SEC23IP: variants seen among roughly 807,000 people sequenced by gnomAD.
SEC23IP encodes the protein SEC23 interacting protein.
A neutral mutation model predicts 113.4 loss-of-function variants in SEC23IP; 70 were observed. The observed-to-expected ratio is 0.62, with a 90% CI of 0.51 to 0.75. The LOEUF (loss-of-function observed/expected upper bound fraction) is 0.75. Among genes scored for constraint, SEC23IP ranks in the 30% least tolerant of loss-of-function variants. The pLI is 0.00. For synonymous variants in SEC23IP, 398 were observed against 421.0 expected (o/e 0.95, Z 0.67); for missense variants, 1,160 against 1,204.9 (o/e 0.96, Z 0.55).
intron 13 of SEC23IP, among the ~76,000 whole-genome samples, chr10:119,926,458 T>C (rs1333070539): frequency 2.6e-5 from 4 of 152,226 alleles, no homozygotes; most frequent in African/African-American, 9.6e-5. Flanking sequence ...ATTTCAGTTT[T>C]CCCACCGCTC....
intron 2 of SEC23IP, among the ~76,000 whole-genome samples, chr10:119,900,972 A>G (rs548694705): frequency 7.1e-6 from 1 of 140,772 alleles, no homozygotes; most frequent in Admixed American, 7.1e-5. Flanking sequence ...CATACTTTAA[A>G]TGTTACTAAG....
chr10:119,919,072 C>T (rs1855150707), intron 10 of SEC23IP, among the ~76,000 whole-genome samples: 1 of 150,368 alleles, frequency 6.7e-6, no homozygotes, highest in Non-Finnish European at 1.5e-5. Context: ...CGGCTCACTG[C>T]AACCTCCGCC....
intron 2 of SEC23IP, among the ~76,000 whole-genome samples, chr10:119,900,919 A>G (rs1426401825): frequency 1.3e-5 from 2 of 151,840 alleles, no homozygotes; most frequent in Non-Finnish European, 2.9e-5. Context: ...TGGCAAACAT[A>G]TAATACCTAT....
intron 18 of SEC23IP, among the ~76,000 whole-genome samples, chr10:119,938,664 G>A (rs1022483428): frequency 5.9e-5 from 9 of 152,064 alleles, no homozygotes; most frequent in African/African-American, 1.9e-4. Flanking sequence ...AATGAAGTTC[G>A]AAATAATTTA....
In SEC23IP at chr10:119,894,892, CTGTGTGTGTGTG is replaced by C. The variant is rs3065498; in HGVS notation, c.163+1980_163+1991del. On this transcript the variant is annotated intron_variant, in intron 1 of 18. Coordinates refer to ENST00000369075, the MANE Select transcript of SEC23IP (RefSeq NM_007190.4). ...AATGCTTTTGTTTCTTGGAGACAGTCTGTGTGTGTGTGTGTGTGTGTGTGTGTGTGTGTGTGT... is the reference window on the plus strand; with the variant it reads ...AATGCTTTTGTTTCTTGGAGACAGTCTGTGTGTGTGTGTGTGTGTGTGTGT... 1.7e-3 allele frequency among the ~76,000 whole-genome samples: 247 copies of C among 143,550 alleles called. 1 individual carries two copies. The highest frequency in any genetic ancestry group is 4.8e-3 in the Admixed American group (69 of 14,326). 94.2% of individuals were successfully genotyped at this position (143,550 alleles called of 152,430 possible).
rs1856024327 is a variant in SEC23IP, at chr10:119,944,162, G to A, written c.*3597G>A. 1 of 152,114 alleles carries A rather than the reference G, an allele frequency of 6.6e-6. No individual in the cohort carries two copies. The highest frequency in any genetic ancestry group is 2.4e-5 in the African/African-American group (1 of 41,418). 9.4% of individuals were successfully genotyped at this position (152,114 alleles called of 1,614,324 possible). On this transcript the variant is annotated 3_prime_UTR_variant, in exon 19 of 19. Coordinates refer to ENST00000369075, the MANE Select transcript of SEC23IP (RefSeq NM_007190.4). ...CTGGTGGGAGGTGATTGGATCATGGGGGCTGTTTCCCCATGCTGTTCTTGT... is the reference window on the plus strand; with the variant it reads ...CTGGTGGGAGGTGATTGGATCATGGAGGCTGTTTCCCCATGCTGTTCTTGT...
chr10:119,917,811 G>A, intron 8 of SEC23IP, 25 bp from the exon 9 acceptor site: 4 of 1,562,838 alleles, frequency 2.6e-6, no homozygotes, highest in Non-Finnish European at 3.5e-6. Flanking sequence ...CTGACTGAAT[G>A]TGCTGTATTT....
intron 13 of SEC23IP, among the ~76,000 whole-genome samples, chr10:119,927,877 A>G (rs1042704043): frequency 9.9e-5 from 15 of 152,222 alleles, no homozygotes; most frequent in African/African-American, 3.6e-4. Flanking sequence ...GACATAGGGT[A>G]GCTGGGCCAA....
At chr10:119,914,939 G>C (rs1854999613) in intron 7 of SEC23IP, 120 bp downstream of exon 7, 1 of 883,324 alleles carries the variant, frequency 1.1e-6, no homozygotes, top group Non-Finnish European at 1.8e-6. Flanking sequence ...TCTGTAAGAG[G>C]AAATTTAAAT....
intron 16 of SEC23IP, among the ~76,000 whole-genome samples, chr10:119,932,766 C>T (rs914591242): frequency 6.6e-6 from 1 of 152,154 alleles, no homozygotes; most frequent in Non-Finnish European, 1.5e-5. Flanking sequence ...TTTCTTTCTA[C>T]AATGCTTTCT....
At chr10:119,929,285 G>A (rs1452794598) in intron 13 of SEC23IP, among the ~76,000 whole-genome samples, 3 of 152,122 alleles carry the variant, frequency 2.0e-5, no homozygotes, top group African/African-American at 7.2e-5. Context: ...CCAGGCTGGA[G>A]TGCGGTGGTG....
intron 15 of SEC23IP, among the ~76,000 whole-genome samples, chr10:119,931,843 C>T (rs190859444): frequency 2.7e-5 from 4 of 149,250 alleles, no homozygotes; most frequent in East Asian, 2.1e-4. Context: ...TGAGACACCG[C>T]GCCTGAATGT....
At position 119,897,910 on chromosome 10, in the gene SEC23IP, C is replaced by T. The variant is rs1854330149; in HGVS notation, c.164-517C>T. 2.6e-5 allele frequency among the ~76,000 whole-genome samples: 4 copies of T among 151,052 alleles called. No homozygotes were observed. The South Asian group carries it at 6.3e-4, about 24-fold the overall frequency. On this transcript the variant is annotated intron_variant, in intron 1 of 18. Coordinates refer to ENST00000369075, the MANE Select transcript of SEC23IP (RefSeq NM_007190.4). Reference sequence around the variant, plus strand: ...ATCCCAGCTACTCGGGAGGCTGAGGCAGGAGAATGGCGTGAACCTGGGAGG... The same window carrying T: ...ATCCCAGCTACTCGGGAGGCTGAGGTAGGAGAATGGCGTGAACCTGGGAGG...
intron 1 of SEC23IP, among the ~76,000 whole-genome samples, chr10:119,893,514 C>CTTTTTTT (rs60552712): frequency 2.3e-5 from 2 of 85,336 alleles, no homozygotes; most frequent in Non-Finnish European, 2.2e-5. Context: ...CATTCCTTAT[C>CTTTTTTT]TTTTTTTTTT....
At chr10:119,920,575 T>TG (rs1855220520) in intron 11 of SEC23IP, among the ~76,000 whole-genome samples, 1 of 152,214 alleles carries the variant, frequency 6.6e-6, no homozygotes. Context: ...TTTCCACAGT[T>TG]GCGCTGAGAG....
chr10:119,910,229 A>G (rs1204088266), intron 5 of SEC23IP, among the ~76,000 whole-genome samples: 1 of 152,186 alleles, frequency 6.6e-6, no homozygotes, highest in African/African-American at 2.4e-5. Flanking sequence ...GGTTTGCTCT[A>G]ACCTTTCAAG....
At chr10:119,922,893 A>G (rs1425716775) in intron 12 of SEC23IP, among the ~76,000 whole-genome samples, 1 of 152,164 alleles carries the variant, frequency 6.6e-6, no homozygotes, top group Non-Finnish European at 1.5e-5. Context: ...CACAATAGTC[A>G]AACTGAGACT....
At chr10:119,934,343 T>G (rs927060531) in intron 18 of SEC23IP, among the ~76,000 whole-genome samples, 3 of 152,240 alleles carry the variant, frequency 2.0e-5, no homozygotes, top group African/African-American at 7.2e-5. Context: ...GTCCAAAAAT[T>G]TACTCATACC....
intron 13 of SEC23IP, 51 bp from the exon 14 acceptor site, chr10:119,929,556 A>G (rs1258364841): frequency 2.6e-6 from 4 of 1,519,162 alleles, no homozygotes; most frequent in South Asian, 2.3e-5. Flanking sequence ...AGAATTTTCT[A>G]CTAGGTGACA....
Sources: allele counts gnomAD v4.1 joint callset (sites outside exome capture counted in the v4.1 genomes callset), GRCh38; gene constraint gnomAD v4.1.1; transcripts MANE v1.5; gene names NCBI Gene and HGNC (gene_info 2026-07-23, HGNC 2026-07-21).